LRP1B: variants seen among roughly 807,000 people sequenced by gnomAD.
LRP1B encodes low-density lipoprotein receptor-related protein 1B.
LRP1B carries 217 observed loss-of-function variants against 556.6 expected under a neutral mutation model. That is an observed-to-expected ratio of 0.39 (90% CI 0.35 to 0.44). LRP1B has a LOEUF of 0.44. Among genes scored for constraint, LRP1B ranks in the 20% least tolerant of loss-of-function variants. LRP1B has a pLI of 1.00. For synonymous variants in LRP1B, 2,047 were observed against 1,865.8 expected, an observed-to-expected ratio of 1.10 and a Z score of -2.50; for missense variants, 5,053 against 5,620.8, an observed-to-expected ratio of 0.90 and a Z score of 3.23.
chr2:141,812,442 G>C (rs1177548727), intron 1 of LRP1B, among the ~76,000 whole-genome samples: 1 of 152,040 alleles, frequency 6.6e-6, no homozygotes, highest in African/African-American at 2.4e-5. Flanking sequence ...GTCTTGAAAT[G>C]CTAGATTTTA....
intron 41 of LRP1B, among the ~76,000 whole-genome samples, chr2:140,672,964 C>T (rs1685540756): frequency 6.6e-6 from 1 of 152,192 alleles, no homozygotes; most frequent in South Asian, 2.1e-4. Flanking sequence ...ACTTTTAGCT[C>T]TTCTTTCTTC....
chr2:141,634,572 G>A (rs1689034522), intron 2 of LRP1B, among the ~76,000 whole-genome samples: 1 of 151,842 alleles, frequency 6.6e-6, no homozygotes, highest in Admixed American at 6.6e-5. Flanking sequence ...ATATTTCAAT[G>A]CTTCTCTTAT....
At chr2:141,963,251 C>A (rs1017209942) in intron 1 of LRP1B, among the ~76,000 whole-genome samples, 1 of 151,806 alleles carries the variant, frequency 6.6e-6, no homozygotes, top group African/African-American at 2.4e-5. Flanking sequence ...GTACCTATTT[C>A]TTTGTTTCTA....
chr2:142,000,109 A>C (rs747654028), intron 1 of LRP1B, among the ~76,000 whole-genome samples: 2 of 151,958 alleles, frequency 1.3e-5, no homozygotes, highest in Non-Finnish European at 2.9e-5. Context: ...AAGAACTTAA[A>C]ACTATGAACT....
At chr2:141,427,860 A>T (rs1259626567) in intron 3 of LRP1B, among the ~76,000 whole-genome samples, 1 of 152,176 alleles carries the variant, frequency 6.6e-6, no homozygotes, top group Non-Finnish European at 1.5e-5. Flanking sequence ...CTTTCTTAGT[A>T]TTGCACTGAT....
In LRP1B at chr2:141,308,098, C is replaced by T. The variant is rs553133578; in HGVS notation, c.344-53457G>A. Among the ~76,000 whole-genome samples, 13 of 152,246 alleles carry T rather than the reference C, an allele frequency of 8.5e-5. No homozygotes were observed. The South Asian group carries it at 2.7e-3, about 32-fold the overall frequency. On this transcript the variant is annotated intron_variant, in intron 3 of 90. Coordinates refer to ENST00000389484, the MANE Select transcript of LRP1B (RefSeq NM_018557.3). ...ACTGGTGGAAGAGATTGAGTGATCT[C>T]CAGGCCCCTGCATGGCATGTTCAGG... is the stretch of plus-strand genomic sequence containing the variant.
In LRP1B at chr2:140,738,079, T is replaced by C. The variant is rs536385750; in HGVS notation, c.5759-21263A>G. 2.6e-5 allele frequency among the ~76,000 whole-genome samples: 4 copies of C among 152,188 alleles called. No homozygotes were observed. In the South Asian group the frequency reaches 8.3e-4, roughly 32 times the overall value. ...GATCAGTAGAGTTGGAGCTCCTTCTTACCAAAGAGAGAAGGCGCACTTTTG... is the reference window on the plus strand; with the variant it reads ...GATCAGTAGAGTTGGAGCTCCTTCTCACCAAAGAGAGAAGGCGCACTTTTG... On this transcript the variant is annotated intron_variant, in intron 35 of 90. Coordinates refer to ENST00000389484, the MANE Select transcript of LRP1B (RefSeq NM_018557.3).
intron 17 of LRP1B, among the ~76,000 whole-genome samples, chr2:140,988,166 C>T (rs1164402803): frequency 6.6e-6 from 1 of 152,026 alleles, no homozygotes; most frequent in Admixed American, 6.6e-5. Context: ...CAAGTTTCCC[C>T]TGATCTTTTA....
chr2:141,452,415 AAT>A (rs1374920178), intron 3 of LRP1B, among the ~76,000 whole-genome samples: 2 of 152,180 alleles, frequency 1.3e-5, no homozygotes, highest in Non-Finnish European at 2.9e-5. Flanking sequence ...GAGAGAATAG[AAT>A]ATATGTTTGC....
chr2:140,904,828 C>A (rs997377890), intron 22 of LRP1B, among the ~76,000 whole-genome samples: 2 of 151,976 alleles, frequency 1.3e-5, no homozygotes, highest in African/African-American at 4.8e-5. Context: ...AAAGAAATGT[C>A]ATTGTGCCCA....
chr2:140,868,362 T>C (rs1218402311), intron 25 of LRP1B, 99 bp from the exon 26 acceptor site: 16 of 1,123,682 alleles, frequency 1.4e-5, no homozygotes, highest in Admixed American at 6.2e-5. Flanking sequence ...ACTGGATAGG[T>C]GATAAGTCAC....
chr2:141,651,216 A>G (rs1689776593), intron 2 of LRP1B, among the ~76,000 whole-genome samples: 1 of 152,184 alleles, frequency 6.6e-6, no homozygotes, highest in Non-Finnish European at 1.5e-5. Flanking sequence ...ACTAGTGTCC[A>G]AACTAATGCA....
Position 140,776,205 on chromosome 2 carries a change from G to T in LRP1B, c.5393C>A (p.Ala1798Asp), listed in dbSNP as rs757579571. ...KKLWWADQNLAQLGTCSKRDG... is the reference protein window; with the variant it reads ...KKLWWADQNLDQLGTCSKRDG... ...TCTTTTGCTGCAGGTTCCTAGCTGG[G>T]CTAAGTTTTGGTCTGCCCACCACAG... is the stretch of plus-strand genomic sequence containing the variant. The change falls in exon 33 of 91, where the codon GCC becomes GAC. Residue 1798 changes from alanine to aspartate, a missense_variant. Ala to Asp is a moderately radical substitution (Grantham distance 126). Transcript: ENST00000389484. The T allele has an allele frequency of 5.0e-6, 8 of 1,602,312 alleles. No homozygotes were observed. Among genetic ancestry groups the T allele is most frequent in the Middle Eastern group, 1.7e-4 (1 of 6,020 alleles).
chr2:140,271,360 C>CA (rs1558761277), intron 85 of LRP1B, among the ~76,000 whole-genome samples: 1 of 151,816 alleles, frequency 6.6e-6, no homozygotes, highest in Admixed American at 6.6e-5. Context: ...ATAACCTTGA[C>CA]AAAAAAATCA....
intron 3 of LRP1B, among the ~76,000 whole-genome samples, chr2:141,270,470 T>C (rs1685047714): frequency 6.6e-6 from 1 of 152,074 alleles, no homozygotes; most frequent in Non-Finnish European, 1.5e-5. Flanking sequence ...CTCAAAGAGA[T>C]ATTTGTACAA....
chr2:140,531,248 C>T (rs561694368), intron 47 of LRP1B, among the ~76,000 whole-genome samples: 1 of 152,226 alleles, frequency 6.6e-6, no homozygotes, highest in South Asian at 2.1e-4. Context: ...TACCTTTAAC[C>T]TGGCTTAATG....
intron 2 of LRP1B, among the ~76,000 whole-genome samples, chr2:141,700,445 A>G (rs1018789309): frequency 1.3e-5 from 2 of 151,856 alleles, no homozygotes; most frequent in African/African-American, 4.8e-5. Context: ...GTAATCTCAT[A>G]TGACCTAAGA....
intron 7 of LRP1B, among the ~76,000 whole-genome samples, chr2:141,120,334 C>T (rs540717897): frequency 6.6e-6 from 1 of 151,890 alleles, no homozygotes; most frequent in African/African-American, 2.4e-5. Flanking sequence ...ATTAATTTTG[C>T]AAATGAATTT....
At chr2:141,549,237 G>T (rs925410355) in intron 2 of LRP1B, among the ~76,000 whole-genome samples, 1 of 152,056 alleles carries the variant, frequency 6.6e-6, no homozygotes, top group East Asian at 1.9e-4. Context: ...CCCAAAAATG[G>T]AGATGATAAA....
Sources: allele counts gnomAD v4.1 joint callset (sites outside exome capture counted in the v4.1 genomes callset), GRCh38; gene constraint gnomAD v4.1.1; transcripts MANE v1.5; gene names NCBI Gene and HGNC (gene_info 2026-07-23, HGNC 2026-07-21).